Variants in CFAP20DC observed in about 807,000 individuals in gnomAD.
CFAP20DC encodes CFAP20 domain containing, also known as protein CFAP20DC.
A neutral mutation model predicts 101.7 loss-of-function variants in CFAP20DC; 84 were observed. The observed-to-expected ratio is 0.83, with a 90% confidence interval of 0.69 to 0.99. CFAP20DC has a LOEUF of 0.99. CFAP20DC is among the 50% of genes least tolerant of loss of function. CFAP20DC has a pLI of 0.00. For missense variants in CFAP20DC, 1,007 were observed against 970.3 expected, an observed-to-expected ratio of 1.04 and a Z score of -0.50; for synonymous variants, 359 against 351.2, an observed-to-expected ratio of 1.02 and a Z score of -0.25.
At chr3:58,887,320 T>TAGA (rs1341267824) in intron 6 of CFAP20DC, 9 of 152,322 alleles carry the variant, frequency 5.9e-5, no homozygotes, top group African/African-American at 2.2e-4. Context: ...TCCTTTGAGA[T>TAGA]AGAAGAAGAT....
At chr3:58,734,356 C>A (rs567902884) in intron 3 of CFAP20DC, 3 of 333,620 alleles carry the variant, frequency 9.0e-6, no homozygotes, top group South Asian at 7.2e-5. Context: ...TATATACTTT[C>A]AGGAATGATG....
chr3:58,833,003 T>G (rs1026277017), intron 13 of CFAP20DC, among the ~76,000 whole-genome samples: 6 of 152,322 alleles, frequency 3.9e-5, no homozygotes, highest in East Asian at 1.9e-4. Flanking sequence ...CCTTAGAATT[T>G]TTTAGATGTT....
At chr3:58,886,751 C>A (rs2081664923) in intron 6 of CFAP20DC, among the ~76,000 whole-genome samples, 1 of 151,758 alleles carries the variant, frequency 6.6e-6, no homozygotes, top group African/African-American at 2.4e-5. Flanking sequence ...GTGTGAATGG[C>A]AAAAAAGACT....
chr3:58,976,654 T>C (rs553820793), intron 4 of CFAP20DC, among the ~76,000 whole-genome samples: 12 of 152,186 alleles, frequency 7.9e-5, no homozygotes, highest in Non-Finnish European at 1.8e-4. Flanking sequence ...ATAGTGCTGA[T>C]GGGGAAAAAA....
intron 1 of CFAP20DC, among the ~76,000 whole-genome samples, chr3:59,047,890 C>T (rs1699990401): frequency 6.6e-6 from 1 of 152,140 alleles, no homozygotes; most frequent in Non-Finnish European, 1.5e-5. Flanking sequence ...CAGTTTAGTA[C>T]TGGTCAATAA....
intron 4 of CFAP20DC, chr3:58,992,465 G>T: frequency 3.3e-6 from 2 of 600,452 alleles, no homozygotes; most frequent in Non-Finnish European, 4.2e-6. Context: ...ATGACATATT[G>T]GTCAGAAAAA....
chr3:58,986,017 A>G (rs1000318299), intron 4 of CFAP20DC, among the ~76,000 whole-genome samples: 2 of 152,228 alleles, frequency 1.3e-5, no homozygotes, highest in Non-Finnish European at 2.9e-5. Flanking sequence ...AGCTATAATT[A>G]CATTTCTCAC....
chr3:58,856,459 C>T (rs532130318), intron 12 of CFAP20DC, among the ~76,000 whole-genome samples: 90 of 152,132 alleles, frequency 5.9e-4, no homozygotes, highest in Non-Finnish European at 1.1e-3. Flanking sequence ...GCAAATGTAA[C>T]AATCCCTGCA....
intron 3 of CFAP20DC, among the ~76,000 whole-genome samples, chr3:58,730,788 A>AT (rs946532174): frequency 8.1e-4 from 121 of 149,980 alleles, no homozygotes; most frequent in African/African-American, 2.0e-3. Context: ...TAACTACAGA[A>AT]TTTTTTTTTT....
At chr3:58,824,238 TAGATC>T (rs1216147234) in intron 14 of CFAP20DC, among the ~76,000 whole-genome samples, 1 of 152,170 alleles carries the variant, frequency 6.6e-6, no homozygotes, top group Non-Finnish European at 1.5e-5. Context: ...AATGAATCTG[TAGATC>T]AGAACAAATT....
chr3:59,017,128 G>A lies in CFAP20DC; in HGVS notation c.278+22429C>T, dbSNP rs534229097. On this transcript the variant is annotated intron_variant, in intron 4 of 16. Transcript: ENST00000482387. ...ACAGGGCTAGGTCTTCTAAAACCAT[G>A]TTTACACTAATGAGCACAACTGAAC... 5 of 152,178 alleles carry A rather than the reference G, an allele frequency of 3.3e-5. No individual in the cohort carries two copies. The East Asian group carries it at 7.8e-4, about 24-fold the overall frequency. 9.4% of individuals were successfully genotyped at this position (152,178 alleles called of 1,614,324 possible). A position where few individuals can be genotyped will look rare whatever the true frequency, so the allele number is the denominator to read the frequency against.
chr3:58,975,352 C>T (rs184943491), intron 4 of CFAP20DC, among the ~76,000 whole-genome samples: 31 of 152,254 alleles, frequency 2.0e-4, no homozygotes, highest in Non-Finnish European at 7.4e-5. Flanking sequence ...AGGGCAGCAA[C>T]AATCTGTCTA....
intron 4 of CFAP20DC, among the ~76,000 whole-genome samples, chr3:58,940,759 T>A (rs1485743885): frequency 2.6e-5 from 4 of 152,218 alleles, no homozygotes; most frequent in Admixed American, 2.0e-4. Flanking sequence ...TTTGTTTGGG[T>A]TTTGCTTTTT....
chr3:58,977,131 T>C lies in CFAP20DC; in HGVS notation c.279-39369A>G, dbSNP rs75086666. Among the ~76,000 whole-genome samples the C allele has an allele frequency of 4.9e-4, 74 of 152,276 alleles. 1 individual carries two copies. The East Asian group carries it at 0.013, about 28-fold the overall frequency. ...TTGAATCAATTAACTTATGGTGAAG[T>C]TGGTTCTGTTATAGGTTGTTTTGCT... On this transcript the variant is annotated intron_variant, in intron 4 of 16. Transcript: ENST00000482387.
intron 5 of CFAP20DC, among the ~76,000 whole-genome samples, chr3:58,936,754 T>A (rs2087704430): frequency 6.6e-6 from 1 of 151,950 alleles, no homozygotes. Context: ...AAGGGGAACA[T>A]CACACTCTGG....
At chr3:58,870,354 A>C (rs773678218) in intron 7 of CFAP20DC, 45 bp from the exon 8 acceptor site, 1 of 1,577,852 alleles carries the variant, frequency 6.3e-7, no homozygotes, top group Non-Finnish European at 8.7e-7. Flanking sequence ...AATGGGTGTA[A>C]TGACAAACAT....
At position 58,727,445 on chromosome 3, in the gene CFAP20DC, C is replaced by CT. The variant is rs935876786; in HGVS notation, c.198-9818dup. 480 of 151,678 alleles carry CT rather than the reference C, an allele frequency of 3.2e-3. 2 individuals are homozygous for CT. Among genetic ancestry groups the CT allele is most frequent in the African/African-American group, 0.011 (445 of 41,298 alleles). 9.4% of individuals were successfully genotyped at this position (151,678 alleles called of 1,614,324 possible). Reference sequence around the variant, plus strand: ...CAGTTACACTCAGTTCTTTTCTTTTCTTTTTTTTTGAGACGGAGTTTCGCT... The same window carrying CT: ...CAGTTACACTCAGTTCTTTTCTTTTCTTTTTTTTTTGAGACGGAGTTTCGCT... On this transcript the variant is annotated intron_variant, in intron 3 of 3. Coordinates refer to the CFAP20DC transcript ENST00000486145.
rs1422814017 is a variant in CFAP20DC, at chr3:58,831,721, C to T, written c.2140G>A (p.Asp714Asn). The T allele has an allele frequency of 1.9e-6, 3 of 1,613,882 alleles. No individual in the cohort carries two copies. Among genetic ancestry groups the T allele is most frequent in the Non-Finnish European group, 2.5e-6 (3 of 1,179,960 alleles). ...NCNVSISTSS[D>N]DTTTWNSCLP... ...CAGGAGTTCCAGGTGGTTGTGTCGT[C>T]ACTGCTGGTACTTATGCTGACATTA... Residue 714 changes from aspartate (D) to asparagine (N), a missense_variant, in exon 14 of 17, where the codon GAC (aspartate) becomes AAC (asparagine). Transcript: ENST00000482387.
chr3:58,741,278 G>A (rs1397104793), downstream of CFAP20DC, among the ~76,000 whole-genome samples: 1 of 152,048 alleles, frequency 6.6e-6, no homozygotes, highest in African/African-American at 2.4e-5. Flanking sequence ...CTGTCTACCC[G>A]AATGCAGAAG....
Sources: gnomAD v4.1 joint callset for allele counts (sites outside exome capture counted in the v4.1 genomes callset) on GRCh38, gnomAD v4.1.1 for gene constraint, MANE v1.5 for transcripts, NCBI Gene and HGNC (gene_info 2026-07-23, HGNC 2026-07-21) for gene names.